The following ERGIC1 variants were observed in gnomAD, a reference collection of about 807,000 sequenced individuals.
ERGIC1 encodes endoplasmic reticulum-golgi intermediate compartment 1.
Under a neutral mutation model 38.3 loss-of-function variants are expected in ERGIC1, and 19 were observed. The ratio of observed to expected loss-of-function variants is 0.50; its 90% CI spans 0.35 to 0.73. The LOEUF (loss-of-function observed/expected upper bound fraction) is 0.73. ERGIC1 is among the 30% of genes least tolerant of loss of function. ERGIC1 has a pLI of 0.01. For missense variants in ERGIC1, 294 were observed against 389.2 expected, an observed-to-expected ratio of 0.76 and a Z score of 2.06; for synonymous variants, 124 against 157.6, an observed-to-expected ratio of 0.79 and a Z score of 1.60.
chr5:172,888,402 G>A (rs1288822386), intron 1 of ERGIC1, among the ~76,000 whole-genome samples: 1 of 152,096 alleles, frequency 6.6e-6, no homozygotes, highest in Non-Finnish European at 1.5e-5. Flanking sequence ...AGAGGTTGCA[G>A]TGAGCCAAGA....
intron 1 of ERGIC1, among the ~76,000 whole-genome samples, chr5:172,840,752 C>A (rs1270846373): frequency 5.9e-5 from 9 of 152,202 alleles, no homozygotes; most frequent in Non-Finnish European, 1.3e-4. Context: ...TCCCAGATGC[C>A]AGCTTCAGCA....
chr5:172,915,500 C>T, intron 5 of ERGIC1: 2 of 456,448 alleles, frequency 4.4e-6, no homozygotes, highest in South Asian at 3.2e-5. Flanking sequence ...TCAAGGTTCA[C>T]TGTTGTTTTG....
chr5:172,925,160 C>T (rs1425116934), intron 6 of ERGIC1, among the ~76,000 whole-genome samples: 2 of 152,204 alleles, frequency 1.3e-5, no homozygotes, highest in East Asian at 3.9e-4. Context: ...ATCACTTGAA[C>T]CTGGGAGGTG....
Position 172,950,573 on chromosome 5 carries a change from G to T in ERGIC1, c.766-136G>T, listed in dbSNP as rs1413005806. 13 of 631,446 alleles carry T rather than the reference G, an allele frequency of 2.1e-5. No homozygotes were observed. The East Asian group carries it at 3.5e-4, about 17-fold the overall frequency. 39.1% of individuals were successfully genotyped at this position (631,446 alleles called of 1,614,324 possible). Reference sequence around the variant, plus strand: ...AGTATGTTCCGGACTTGGTGACTATGTAGTGGGTATTATGGGCTTAACGGG... The same window carrying T: ...AGTATGTTCCGGACTTGGTGACTATTTAGTGGGTATTATGGGCTTAACGGG... On this transcript the variant is annotated intron_variant, in intron 9 of 9. Coordinates refer to ENST00000393784, the MANE Select transcript of ERGIC1 (RefSeq NM_001031711.3).
At chr5:172,870,565 G>A (rs1192932903) in intron 1 of ERGIC1, among the ~76,000 whole-genome samples, 1 of 152,224 alleles carries the variant, frequency 6.6e-6, no homozygotes, top group South Asian at 2.1e-4. Context: ...AGAGGGAAAG[G>A]TGTTTCCTCT....
chr5:172,898,928 G>T (rs1762801273), intron 3 of ERGIC1, among the ~76,000 whole-genome samples: 1 of 152,180 alleles, frequency 6.6e-6, no homozygotes, highest in Non-Finnish European at 1.5e-5. Flanking sequence ...TCGAAGCAGG[G>T]AGAGCGGCAA....
At position 172,924,853 on chromosome 5, in the gene ERGIC1, C is replaced by T. The variant is rs116188464; in HGVS notation, c.480+744C>T. On this transcript the variant is annotated intron_variant, in intron 6 of 9. Transcript: ENST00000393784. Reference sequence around the variant, plus strand: ...CAACAAATATTTACAAAGTACCTACCGTGTCCAGGCCTTGCATACCTTGGT... The same window carrying T: ...CAACAAATATTTACAAAGTACCTACTGTGTCCAGGCCTTGCATACCTTGGT... 3.3e-3 allele frequency among the ~76,000 whole-genome samples: 501 copies of T among 152,266 alleles called. 3 individuals are homozygous for T. The highest frequency in any genetic ancestry group is 5.1e-3 in the Admixed American group (78 of 15,288).
chr5:172,916,630 A>G (rs1479428498), intron 5 of ERGIC1: 2 of 152,282 alleles, frequency 1.3e-5, no homozygotes, highest in Non-Finnish European at 2.9e-5. Flanking sequence ...CAGTGCAGAG[A>G]GAAAGCACTT....
chr5:172,838,487 C>T (rs1332107476), intron 1 of ERGIC1, among the ~76,000 whole-genome samples: 1 of 152,142 alleles, frequency 6.6e-6, no homozygotes, highest in East Asian at 1.9e-4. Context: ...ATACCCCAGA[C>T]CTCCTCAGGA....
chr5:172,931,898 G>A lies in ERGIC1; in HGVS notation c.542-538G>A, dbSNP rs187287061. ...TTTTGAGACAGAGTCTTGCTCTATC[G>A]CCCAGGCTGGAGTGCAGTGGCATGA... On this transcript the variant is annotated intron_variant, in intron 7 of 9. Coordinates refer to ENST00000393784, the MANE Select transcript of ERGIC1 (RefSeq NM_001031711.3). Among the ~76,000 whole-genome samples the A allele has an allele frequency of 6.0e-3, 763 of 127,824 alleles. 8 individuals are homozygous for A. The highest frequency in any genetic ancestry group is 0.022 in the African/African-American group (735 of 32,994). 83.9% of individuals were successfully genotyped at this position (127,824 alleles called of 152,430 possible).
intron 3 of ERGIC1, among the ~76,000 whole-genome samples, chr5:172,907,453 G>C (rs1337820542): frequency 6.6e-6 from 1 of 152,162 alleles, no homozygotes; most frequent in Non-Finnish European, 1.5e-5. Flanking sequence ...AGCTACTTGG[G>C]AGGCTGAGGG....
chr5:172,858,132 G>A (rs567261295), intron 1 of ERGIC1, among the ~76,000 whole-genome samples: 3 of 152,338 alleles, frequency 2.0e-5, no homozygotes, highest in Non-Finnish European at 4.4e-5. Context: ...GTATTTGACG[G>A]CTGTCTGAAA....
At chr5:172,909,168 C>CTTTTTTTTTTTTTTTTTTT (rs70984920) in intron 3 of ERGIC1, among the ~76,000 whole-genome samples, 4 of 80,868 alleles carry the variant, frequency 4.9e-5, no homozygotes, top group East Asian at 3.0e-4. Context: ...GCCCTCCCCT[C>CTTTTTTTTTTTTTTTTTTT]TTTTTTTTTT....
chr5:172,852,423 C>G (rs1054020373), intron 1 of ERGIC1, among the ~76,000 whole-genome samples: 1 of 151,826 alleles, frequency 6.6e-6, no homozygotes, highest in African/African-American at 2.4e-5. Flanking sequence ...TTCCTGCTGA[C>G]AGTGGATGCC....
intron 2 of ERGIC1, among the ~76,000 whole-genome samples, chr5:172,895,707 T>C (rs980924433): frequency 2.6e-5 from 4 of 151,730 alleles, no homozygotes; most frequent in Non-Finnish European, 5.9e-5. Context: ...AAAAGGGACA[T>C]GTGAGTCGGG....
intron 1 of ERGIC1, chr5:172,867,572 C>T (rs1178111393): frequency 2.3e-6 from 1 of 425,736 alleles, no homozygotes. Context: ...GTTACTCCAC[C>T]CCCGAGTCCT....
At chr5:172,887,128 A>G (rs1486792434) in intron 1 of ERGIC1, among the ~76,000 whole-genome samples, 2 of 152,208 alleles carry the variant, frequency 1.3e-5, no homozygotes, top group African/African-American at 4.8e-5. Context: ...TGATTCAAGC[A>G]TCGGCCCTTA....
At chr5:172,913,012 G>A (rs942849606) in intron 4 of ERGIC1, among the ~76,000 whole-genome samples, 1 of 151,968 alleles carries the variant, frequency 6.6e-6, no homozygotes, top group African/African-American at 2.4e-5. Context: ...CAAGTTATCC[G>A]CCCACCTTGG....
At chr5:172,861,068 C>T (rs1003976481) in intron 1 of ERGIC1, among the ~76,000 whole-genome samples, 13 of 152,212 alleles carry the variant, frequency 8.5e-5, no homozygotes, top group Non-Finnish European at 5.9e-5. Flanking sequence ...CTGCCCCAGC[C>T]TGCAGGGCCT....
Sources: allele counts gnomAD v4.1 joint callset (sites outside exome capture counted in the v4.1 genomes callset), GRCh38; gene constraint gnomAD v4.1.1; transcripts MANE v1.5; gene names NCBI Gene and HGNC (gene_info 2026-07-23, HGNC 2026-07-21).